Variants in GRM8 observed in about 807,000 individuals in gnomAD.
The protein encoded by GRM8 is glutamate metabotropic receptor 8, also known as metabotropic glutamate receptor 8.
GRM8 carries 47 observed loss-of-function variants against 87.2 expected under a neutral mutation model. The observed-to-expected ratio is 0.54, with a 90% CI of 0.43 to 0.69. The LOEUF is 0.69. Among genes scored for constraint, GRM8 ranks in the 30% least tolerant of loss-of-function variants. GRM8 has a pLI of 0.00. For synonymous variants in GRM8, 396 were observed against 404.5 expected (o/e 0.98, Z 0.25); for missense variants, 1,019 against 1,139.2 (o/e 0.89, Z 1.52).
chr7:126,558,181 A>G (rs1793345838), intron 8 of GRM8, among the ~76,000 whole-genome samples: 1 of 152,226 alleles, frequency 6.6e-6, no homozygotes, highest in Admixed American at 6.5e-5. Flanking sequence ...AGGTTAGCAG[A>G]GAGTTAAGTA....
intron 8 of GRM8, among the ~76,000 whole-genome samples, chr7:126,581,297 C>T (rs1273835383): frequency 6.6e-6 from 1 of 152,112 alleles, no homozygotes; most frequent in South Asian, 2.1e-4. Context: ...ATGGTATTAG[C>T]TTTCCAAGGC....
intron 8 of GRM8, among the ~76,000 whole-genome samples, chr7:126,545,683 T>A (rs1198946797): frequency 1.3e-5 from 2 of 152,060 alleles, no homozygotes; most frequent in Non-Finnish European, 2.9e-5. Flanking sequence ...TTACATTGAA[T>A]CTATATGGTC....
Position 126,589,329 on chromosome 7 carries a change from C to T in GRM8, c.1494+20033G>A, listed in dbSNP as rs146779705. Reference sequence around the variant, plus strand: ...CTGGCCTTTTGGATTGCATGGGAGCCGGGTGAGGCCTGTAACTGTCGGCTG... The same window carrying T: ...CTGGCCTTTTGGATTGCATGGGAGCTGGGTGAGGCCTGTAACTGTCGGCTG... On this transcript the variant is annotated intron_variant, in intron 8 of 10. Transcript: ENST00000339582. 1.2e-3 allele frequency among the ~76,000 whole-genome samples: 189 copies of T among 152,146 alleles called. 3 individuals are homozygous for T. The East Asian group carries it at 0.018, about 14-fold the overall frequency.
At chr7:126,764,682 T>C (rs952366117) in intron 7 of GRM8, among the ~76,000 whole-genome samples, 20 of 152,108 alleles carry the variant, frequency 1.3e-4, no homozygotes, top group African/African-American at 4.6e-4. Context: ...TCTTGGAATA[T>C]TGAGCACTGA....
chr7:126,464,430 C>G lies in GRM8; in HGVS notation c.2431-18058G>C, dbSNP rs527249218. Among the ~76,000 whole-genome samples, 23 of 151,648 alleles carry G rather than the reference C, an allele frequency of 1.5e-4. No individual in the cohort carries two copies. The East Asian group carries it at 4.5e-3, about 30-fold the overall frequency. On this transcript the variant is annotated intron_variant, in intron 9 of 10. Transcript: ENST00000339582. ...TATGATTTTTGAATCGATTCTGTCA[C>G]TCTGTCTTTTGATTGAAGATTTTAG... is the stretch of plus-strand genomic sequence containing the variant.
chr7:126,590,187 T>C (rs1473930604), intron 8 of GRM8, among the ~76,000 whole-genome samples: 1 of 151,136 alleles, frequency 6.6e-6, no homozygotes, highest in Non-Finnish European at 1.5e-5. Flanking sequence ...TAAATAAAAA[T>C]ATCACAATTT....
At chr7:126,553,324 C>T (rs774198622) in intron 8 of GRM8, among the ~76,000 whole-genome samples, 2 of 152,104 alleles carry the variant, frequency 1.3e-5, no homozygotes, top group Non-Finnish European at 2.9e-5. Flanking sequence ...TGTACCATTG[C>T]TATAATTTCA....
Position 127,252,567 on chromosome 7 carries a change from T to C in GRM8, c.-312+230A>G, listed in dbSNP as rs1798931450. On this transcript the variant is annotated intron_variant, in intron 1 of 10. Transcript: ENST00000339582. The surrounding 1 kb of genome is among the most constrained non-coding windows in gnomAD (Gnocchi z 4.9). ...CTACGGACATGCAGGGCCATCTACTTGTGCTCAGGAAAAACAAATCACTAG... is the reference window on the plus strand; with the variant it reads ...CTACGGACATGCAGGGCCATCTACTCGTGCTCAGGAAAAACAAATCACTAG... Among the ~76,000 whole-genome samples, 1 of 152,086 alleles carries C rather than the reference T, an allele frequency of 6.6e-6. No individual in the cohort carries two copies. Among genetic ancestry groups the C allele is most frequent in the Non-Finnish European group, 1.5e-5 (1 of 68,024 alleles).
At chr7:126,634,345 G>A (rs539422659) in intron 7 of GRM8, among the ~76,000 whole-genome samples, 4 of 152,192 alleles carry the variant, frequency 2.6e-5, no homozygotes, top group Admixed American at 2.0e-4. Flanking sequence ...AAGTCCTGGG[G>A]AAGATCTGAC....
At chr7:126,817,440 T>C (rs1363893336) in intron 6 of GRM8, among the ~76,000 whole-genome samples, 2 of 152,148 alleles carry the variant, frequency 1.3e-5, no homozygotes, top group Non-Finnish European at 2.9e-5. Context: ...ATCAATGTCA[T>C]AAATATCCAT....
At chr7:127,137,552 T>C (rs550481365) in intron 2 of GRM8, among the ~76,000 whole-genome samples, 1 of 152,290 alleles carries the variant, frequency 6.6e-6, no homozygotes, top group South Asian at 2.1e-4. Context: ...ATGAAGAGTG[T>C]TCATTCTTAA....
chr7:126,529,393 CACA>C (rs1562924698), intron 9 of GRM8, among the ~76,000 whole-genome samples: 1 of 152,010 alleles, frequency 6.6e-6, no homozygotes, highest in Non-Finnish European at 1.5e-5. Flanking sequence ...GCTTATTGTC[CACA>C]ACAACGATGA....
At chr7:126,603,790 A>C (rs1214513238) in intron 8 of GRM8, among the ~76,000 whole-genome samples, 1 of 152,120 alleles carries the variant, frequency 6.6e-6, no homozygotes, top group Non-Finnish European at 1.5e-5. Flanking sequence ...GAGCATTTTC[A>C]CATGTAAGCA....
intron 7 of GRM8, among the ~76,000 whole-genome samples, chr7:126,747,623 C>A (rs1416492535): frequency 6.6e-6 from 1 of 152,014 alleles, no homozygotes; most frequent in African/African-American, 2.4e-5. Flanking sequence ...TATTAACCAA[C>A]CTTATTCTCA....
intron 3 of GRM8, among the ~76,000 whole-genome samples, chr7:127,048,656 C>T (rs1213724597): frequency 6.6e-6 from 1 of 152,184 alleles, no homozygotes; most frequent in East Asian, 1.9e-4. Flanking sequence ...CCAAGTCACA[C>T]AGCTAATATA....
chr7:126,878,214 C>T (rs1563274535), intron 6 of GRM8, among the ~76,000 whole-genome samples: 2 of 152,156 alleles, frequency 1.3e-5, no homozygotes, highest in African/African-American at 2.4e-5. Flanking sequence ...ACTTTATATG[C>T]TTATGGTCAT....
chr7:126,814,846 C>T (rs1446757291), intron 6 of GRM8, among the ~76,000 whole-genome samples: 1 of 151,774 alleles, frequency 6.6e-6, no homozygotes, highest in Non-Finnish European at 1.5e-5. Flanking sequence ...TGATAAAAAA[C>T]CTCTGAGCAA....
At position 126,875,163 on chromosome 7, in the gene GRM8, A is replaced by G. The variant is rs202004506; in HGVS notation, c.1156+27379T>C. ...AAAATAATTCAAAAATAATTCATTT[A>G]GTTAACATATTTTGTAAATATACAT... is the stretch of plus-strand genomic sequence containing the variant. On this transcript the variant is annotated intron_variant, in intron 6 of 10. Coordinates refer to ENST00000339582, the MANE Select transcript of GRM8 (RefSeq NM_000845.3). 8.5e-5 allele frequency among the ~76,000 whole-genome samples: 13 copies of G among 152,248 alleles called. No individual in the cohort carries two copies. In the East Asian group the frequency reaches 2.5e-3, roughly 29 times the overall value.
chr7:126,906,383 A>G (rs1398367937), intron 3 of GRM8, among the ~76,000 whole-genome samples: 1 of 152,154 alleles, frequency 6.6e-6, no homozygotes, highest in African/African-American at 2.4e-5. Flanking sequence ...TGGCCAGATC[A>G]TAGTTCACTG....
Sources: allele counts gnomAD v4.1 joint callset (sites outside exome capture counted in the v4.1 genomes callset), GRCh38; gene constraint gnomAD v4.1.1; non-coding constraint Gnocchi (gnomAD v3.1); transcripts MANE v1.5; gene names NCBI Gene and HGNC (gene_info 2026-07-23, HGNC 2026-07-21).